The following LRBA variants were observed in gnomAD, a reference collection of about 807,000 sequenced individuals.
LRBA encodes LPS responsive beige-like anchor protein.
A neutral mutation model predicts 330.0 loss-of-function variants in LRBA; 176 were observed. The ratio of observed to expected loss-of-function variants is 0.53; its 90% CI spans 0.47 to 0.60. The LOEUF is 0.60. LRBA is among the 20% of genes least tolerant of loss of function. The pLI is 0.00. For synonymous variants in LRBA, 1,230 were observed against 1,193.0 expected (o/e 1.03, Z -0.64); for missense variants, 3,259 against 3,444.8 (o/e 0.95, Z 1.35).
chr4:150,590,285 T>C (rs775596914), intron 39 of LRBA, among the ~76,000 whole-genome samples: 11 of 151,354 alleles, frequency 7.3e-5, no homozygotes, highest in Non-Finnish European at 1.5e-4. Context: ...TTTGAGAGAG[T>C]TACATGCATA....
At chr4:150,341,173 C>T (rs1399202339) in intron 48 of LRBA, among the ~76,000 whole-genome samples, 1 of 151,970 alleles carries the variant, frequency 6.6e-6, no homozygotes, top group Admixed American at 6.6e-5. Context: ...AGCCTAGCTG[C>T]TCTTTTGAGA....
rs561456042 is a variant in LRBA at position 150,850,669 on chromosome 4, T to C, written c.4004+55A>G. ...TTACAAACTGTTTCTATGGATTTCT[T>C]TGAAAATAAAGACTAGGTTTATACA... is the stretch of plus-strand genomic sequence containing the variant. On this transcript the variant is annotated intron_variant, in intron 24 of 56. Coordinates refer to ENST00000651943, the MANE Select transcript of LRBA (RefSeq NM_001364905.1). 88 of 1,074,962 alleles carry C rather than the reference T, an allele frequency of 8.2e-5. No individual in the cohort carries two copies. The South Asian group carries it at 1.6e-3, about 20-fold the overall frequency. 66.6% of individuals were successfully genotyped at this position (1,074,962 alleles called of 1,614,324 possible).
At chr4:150,333,978 AAAAG>A (rs1734318186) in intron 48 of LRBA, among the ~76,000 whole-genome samples, 1 of 152,168 alleles carries the variant, frequency 6.6e-6, no homozygotes, top group African/African-American at 2.4e-5. Flanking sequence ...TATCTGGCTT[AAAAG>A]AAAGAAAGGC....
chr4:150,559,567 A>C (rs1338098603), intron 40 of LRBA, among the ~76,000 whole-genome samples: 1 of 120,566 alleles, frequency 8.3e-6, no homozygotes, highest in African/African-American at 3.2e-5. Context: ...TATTTATATA[A>C]ATATATAAAT....
At chr4:150,271,278 C>T (rs150069513) in intron 56 of LRBA, among the ~76,000 whole-genome samples, 1,733 of 151,270 alleles carry the variant, frequency 0.011, 9 homozygotes, top group Non-Finnish European at 0.018. Flanking sequence ...CAAAACAGGG[C>T]GGCCGTTTGG....
intron 36 of LRBA, among the ~76,000 whole-genome samples, chr4:150,724,923 T>C (rs1337042794): frequency 3.4e-5 from 5 of 148,236 alleles, no homozygotes; most frequent in African/African-American, 5.0e-5. Flanking sequence ...CACACACACA[T>C]ACATATAGCA....
intron 35 of LRBA, among the ~76,000 whole-genome samples, chr4:150,758,612 T>C (rs926714915): frequency 2.0e-5 from 3 of 149,650 alleles, no homozygotes; most frequent in Admixed American, 1.3e-4. Flanking sequence ...CTCATTCTAC[T>C]GCCCAGGATG....
chr4:150,365,372 T>C (rs1009238909), intron 47 of LRBA, among the ~76,000 whole-genome samples: 39 of 152,104 alleles, frequency 2.6e-4, no homozygotes, highest in African/African-American at 8.7e-4. Context: ...AATATATTAG[T>C]TGCTAAGTCC....
chr4:150,585,458 C>T (rs558544315), intron 40 of LRBA, among the ~76,000 whole-genome samples: 60 of 152,120 alleles, frequency 3.9e-4, no homozygotes, highest in Non-Finnish European at 7.5e-4. Flanking sequence ...AAGTACCTTC[C>T]TCCTCTTTCT....
At chr4:150,479,048 C>T (rs72734480) in intron 42 of LRBA, among the ~76,000 whole-genome samples, 59,581 of 151,794 alleles carry the variant, frequency 0.39, 12,257 homozygotes, top group Non-Finnish European at 0.47. Flanking sequence ...CTTTAGGAGG[C>T]TGAGGTGGCA....
At chr4:150,468,974 T>C (rs1030734262) in intron 43 of LRBA, among the ~76,000 whole-genome samples, 1 of 151,974 alleles carries the variant, frequency 6.6e-6, no homozygotes, top group Admixed American at 6.6e-5. Flanking sequence ...TTAATGTCAC[T>C]ACATATTTCT....
intron 34 of LRBA, among the ~76,000 whole-genome samples, chr4:150,780,641 A>ACGTGTATATATATACATATATATACACG (rs70941443): frequency 6.7e-6 from 1 of 148,626 alleles, no homozygotes. Flanking sequence ...GTATATATAT[A>ACGTGTATATATATACATATATATACACG]TATATGTGTA....
chr4:150,978,464 T>C (rs1001226316), intron 2 of LRBA, among the ~76,000 whole-genome samples: 6 of 152,020 alleles, frequency 3.9e-5, no homozygotes, highest in Admixed American at 1.3e-4. Flanking sequence ...ATAATAACAG[T>C]CCAGACACTG....
In LRBA at chr4:150,849,425, A is replaced by G. The variant is rs754722373; in HGVS notation, c.4155T>C (p.Ala1385=). 2.5e-6 allele frequency: 4 copies of G among 1,613,650 alleles called. No homozygotes were observed. The highest frequency in any genetic ancestry group is 2.7e-5 in the African/African-American group (2 of 74,938). ...TCTATAGTAATTAAGTCCTTACTGTAGCCGATGTAGCAGCTGAAAGCAATG... is the reference window on the plus strand; with the variant it reads ...TCTATAGTAATTAAGTCCTTACTGTGGCCGATGTAGCAGCTGAAAGCAATG... ...ILPLLSAATS[A]THELENIEPT... The change falls in exon 25 of 57, where the codon GCT becomes GCC. Residue 1385 remains alanine, a synonymous_variant. Coordinates refer to ENST00000651943, the MANE Select transcript of LRBA (RefSeq NM_001364905.1).
chr4:150,277,682 T>C (rs973972971), intron 56 of LRBA, among the ~76,000 whole-genome samples, 171 bp downstream of exon 56: 2 of 152,094 alleles, frequency 1.3e-5, no homozygotes, highest in Admixed American at 1.3e-4. Flanking sequence ...TTTTTTTTTC[T>C]GTAGAGACAG....
chr4:150,817,248 A>C lies in LRBA; in HGVS notation c.5181T>G (p.Ile1727Met), dbSNP rs769510164. Residue 1727 changes from isoleucine (I) to methionine (M), a missense_variant, in exon 31 of 57, where the codon ATT (isoleucine) becomes ATG (methionine). Transcript: ENST00000651943. Reference protein sequence around the residue: ...VQFRSFDRSVIVAAKKSAVSP... With the variant: ...VQFRSFDRSVMVAAKKSAVSP... ...AGACTGCTGACTTTTTTGCTGCAAC[A>C]ATGACACTTCTGTAATAAAGAAAGT... The C allele has an allele frequency of 2.5e-6, 4 of 1,611,824 alleles. No individual in the cohort carries two copies. Among genetic ancestry groups the C allele is most frequent in the Non-Finnish European group, 3.4e-6 (4 of 1,178,456 alleles).
At position 151,003,435 on chromosome 4, in the gene LRBA, G is replaced by C. The variant is rs565363167; in HGVS notation, c.216+10992C>G. Among the ~76,000 whole-genome samples, 3 of 150,046 alleles carry C rather than the reference G, an allele frequency of 2.0e-5. No homozygotes were observed. The South Asian group carries it at 6.3e-4, about 32-fold the overall frequency. On this transcript the variant is annotated intron_variant, in intron 2 of 56. Transcript: ENST00000651943. ...AAAACAAAATCCTAAAACTCATATGGAACCAAAAAAAAGCCAATAGTCAAA... is the reference window on the plus strand; with the variant it reads ...AAAACAAAATCCTAAAACTCATATGCAACCAAAAAAAAGCCAATAGTCAAA...
chr4:150,500,775 C>T (rs1167654938), intron 40 of LRBA, among the ~76,000 whole-genome samples: 5 of 152,114 alleles, frequency 3.3e-5, no homozygotes, highest in Non-Finnish European at 7.4e-5. Flanking sequence ...AAGAAATTTG[C>T]TTTTGTTCTT....
At chr4:150,792,711 T>C (rs10021640) in intron 34 of LRBA, among the ~76,000 whole-genome samples, 13,814 of 152,116 alleles carry the variant, frequency 0.091, 1,097 homozygotes, top group African/African-American at 0.21. Flanking sequence ...CTTGCTATGT[T>C]GCCCAGGCTG....
Sources: allele counts gnomAD v4.1 joint callset (sites outside exome capture counted in the v4.1 genomes callset), GRCh38; gene constraint gnomAD v4.1.1; transcripts MANE v1.5; gene names NCBI Gene and HGNC (gene_info 2026-07-23, HGNC 2026-07-21).